The following MAF variants were observed in gnomAD, a reference collection of about 807,000 sequenced individuals.
The protein encoded by MAF is MAF bZIP transcription factor.
In MAF, 10 loss-of-function variants were observed where a neutral mutation model predicts 22.0. The ratio of observed to expected loss-of-function variants is 0.45; its 90% CI spans 0.28 to 0.77. The LOEUF is 0.77. Among genes scored for constraint, MAF ranks in the 30% least tolerant of loss-of-function variants. The pLI, the probability that MAF is intolerant of heterozygous loss-of-function variation, is 0.12. For synonymous variants in MAF, 337 were observed against 255.8 expected (o/e 1.32, Z -3.03); for missense variants, 544 against 548.4 (o/e 0.99, Z 0.08).
chr16:79,560,852 G>T, the MAF span, among the ~76,000 whole-genome samples: 1 of 152,210 alleles, frequency 6.6e-6, no homozygotes, highest in African/African-American at 2.4e-5. Flanking sequence ...CAGTGACGAG[G>T]TGTGGCGGGA....
At chr16:79,207,607 T>C in the MAF span, among the ~76,000 whole-genome samples, 1 of 152,246 alleles carries the variant, frequency 6.6e-6, no homozygotes, top group Non-Finnish European at 1.5e-5. Flanking sequence ...CATGATATTG[T>C]GTCTATTTTT....
At chr16:79,499,375 A>G in the MAF span, among the ~76,000 whole-genome samples, 7 of 152,174 alleles carry the variant, frequency 4.6e-5, no homozygotes, top group Admixed American at 6.5e-5. Context: ...TGGACTCTCA[A>G]TGACAACTCC....
chr16:79,224,289 G>A, the MAF span, among the ~76,000 whole-genome samples: 1 of 152,110 alleles, frequency 6.6e-6, no homozygotes, highest in African/African-American at 2.4e-5. Context: ...ATGCAGAAAA[G>A]GCCTTCAACA....
the MAF span, among the ~76,000 whole-genome samples, chr16:79,565,948 G>C: frequency 6.6e-6 from 1 of 152,122 alleles, no homozygotes; most frequent in African/African-American, 2.4e-5. Context: ...AAACTGACAG[G>C]ACAAGGATTG....
At chr16:79,437,534 A>AGGT in the MAF span, among the ~76,000 whole-genome samples, 1 of 151,976 alleles carries the variant, frequency 6.6e-6, no homozygotes, top group African/African-American at 2.4e-5. Context: ...GTGGTTGAGG[A>AGGT]GGTACCCAGA....
chr16:79,416,895 GT>G, the MAF span, among the ~76,000 whole-genome samples: 599 of 152,222 alleles, frequency 3.9e-3, 6 homozygotes, highest in African/African-American at 0.014. Flanking sequence ...ACAGCCTTTT[GT>G]TTTTTACTCA....
the MAF span, chr16:79,212,259 G>C: frequency 1.5e-6 from 2 of 1,300,390 alleles, no homozygotes; most frequent in African/African-American, 1.5e-5. Flanking sequence ...GGAGATAATT[G>C]TTTCATTCAT....
the MAF span, among the ~76,000 whole-genome samples, chr16:79,521,971 C>T: frequency 2.0e-5 from 3 of 152,268 alleles, no homozygotes; most frequent in South Asian, 4.2e-4. Flanking sequence ...ATCGACTTCT[C>T]ATTGAAGAAA....
At chr16:79,470,842 G>A in the MAF span, among the ~76,000 whole-genome samples, 72,276 of 152,112 alleles carry the variant, frequency 0.48, 20,498 homozygotes, top group Non-Finnish European at 0.63. Context: ...GAACTAGTGT[G>A]TTTTACTGCT....
chr16:79,585,743 A>G (rs1912798048), downstream of MAF: 2 of 568,152 alleles, frequency 3.5e-6, no homozygotes. Context: ...AAAACTAATG[A>G]AACAGGAACT....
At chr16:79,450,171 C>T in the MAF span, among the ~76,000 whole-genome samples, 3 of 152,192 alleles carry the variant, frequency 2.0e-5, no homozygotes, top group Non-Finnish European at 4.4e-5. Context: ...CGCAGAGTAA[C>T]GAGTAAAGTG....
At chr16:79,227,879 C>G in the MAF span, among the ~76,000 whole-genome samples, 1 of 152,076 alleles carries the variant, frequency 6.6e-6, no homozygotes, top group African/African-American at 2.4e-5. Flanking sequence ...ACCACAACTT[C>G]TTTCTTGGAA....
At chr16:79,393,518 A>G in the MAF span, among the ~76,000 whole-genome samples, 1 of 152,164 alleles carries the variant, frequency 6.6e-6, no homozygotes, top group Non-Finnish European at 1.5e-5. Context: ...CTGTCCTTTC[A>G]TTCCATGATA....
chr16:79,293,919 CA>C, the MAF span, among the ~76,000 whole-genome samples: 4 of 152,040 alleles, frequency 2.6e-5, no homozygotes, highest in Admixed American at 6.5e-5. Context: ...TGTGATCAGA[CA>C]ATTTCAGTCC....
the MAF span, among the ~76,000 whole-genome samples, chr16:79,267,583 C>T: frequency 1.6e-4 from 25 of 152,102 alleles, no homozygotes; most frequent in East Asian, 3.9e-4. Flanking sequence ...CAGCTGGTGG[C>T]GGACAGTGCA....
chr16:79,339,273 G>C, the MAF span, among the ~76,000 whole-genome samples: 69 of 152,068 alleles, frequency 4.5e-4, no homozygotes, highest in Admixed American at 9.2e-4. Flanking sequence ...GGGTTTCACC[G>C]TGGTCTCGAT....
chr16:79,404,311 C>A, the MAF span, among the ~76,000 whole-genome samples: 2 of 151,894 alleles, frequency 1.3e-5, no homozygotes, highest in South Asian at 4.2e-4. Context: ...CTACAGGTGC[C>A]CACCACCACA....
chr16:79,488,377 G>A, the MAF span, among the ~76,000 whole-genome samples: 1 of 152,168 alleles, frequency 6.6e-6, no homozygotes, highest in Non-Finnish European at 1.5e-5. Flanking sequence ...AGGAGGCTCT[G>A]GGGCGAGACT....
At chr16:79,244,931 ATC>A in the MAF span, among the ~76,000 whole-genome samples, 1 of 152,068 alleles carries the variant, frequency 6.6e-6, no homozygotes, top group African/African-American at 2.4e-5. Flanking sequence ...CAACCATCTG[ATC>A]TTTTACAAAC....
Sources: allele counts gnomAD v4.1 joint callset (sites outside exome capture counted in the v4.1 genomes callset), GRCh38; gene constraint gnomAD v4.1.1; transcripts MANE v1.5; gene names NCBI Gene and HGNC (gene_info 2026-07-23, HGNC 2026-07-21).